TFDP1: variants seen among roughly 807,000 people sequenced by gnomAD.
TFDP1 encodes the protein DRTF1-polypeptide 1.
In TFDP1, 6 loss-of-function variants were observed where a neutral mutation model predicts 48.0. The observed-to-expected ratio is 0.13, with a 90% CI of 0.07 to 0.25. The LOEUF (loss-of-function observed/expected upper bound fraction) is 0.25. Ranked by LOEUF, TFDP1 falls within the 10% of genes least tolerant of loss-of-function variation. The pLI, the probability that TFDP1 is intolerant of heterozygous loss-of-function variation, is 1.00. For missense variants in TFDP1, 335 were observed against 543.0 expected (o/e 0.62, Z 3.81); for synonymous variants, 201 against 211.6 (o/e 0.95, Z 0.44).
In TFDP1 at chr13:113,611,026, A is replaced by G; in HGVS notation, c.43A>G (p.Lys15Glu). 1 of 1,614,174 alleles carries G rather than the reference A, an allele frequency of 6.2e-7. No individual in the cohort carries two copies. Among genetic ancestry groups the G allele is most frequent in the South Asian group, 1.1e-5 (1 of 91,088 alleles). ...TCTAATTGAAGCCAACGGAGAACTC[A>G]AGGTCTTCATAGACCAGAACCTTAG... The part of the protein sequence containing the change: ...AGLIEANGEL[K>E]VFIDQNLSPG... The change falls in exon 3 of 12, where the codon AAG becomes GAG. Residue 15 changes from lysine (K) to glutamate (E), a missense_variant. Around this residue, in one of 3 missense-constraint regions of TFDP1, gnomAD observed 103 missense variants for 140.4 expected, o/e 0.73. Coordinates refer to ENST00000375370, the MANE Select transcript of TFDP1 (RefSeq NM_007111.5).
chr13:113,621,715 G>A (rs949604529), intron 3 of TFDP1, among the ~76,000 whole-genome samples: 5 of 152,236 alleles, frequency 3.3e-5, no homozygotes, highest in South Asian at 2.1e-4. Flanking sequence ...GAAGATGTCC[G>A]TTGCCAGGTG....
intron 8 of TFDP1, among the ~76,000 whole-genome samples, chr13:113,635,225 C>T (rs1404646436): frequency 6.6e-6 from 1 of 152,160 alleles, no homozygotes; most frequent in African/African-American, 2.4e-5. Context: ...GTGCAAGGTG[C>T]TCACTGCAGA....
At chr13:113,628,440 C>T (rs746737578) in intron 4 of TFDP1, among the ~76,000 whole-genome samples, 30 of 152,382 alleles carry the variant, frequency 2.0e-4, no homozygotes, top group Non-Finnish European at 3.2e-4. Context: ...TGCTCCCCAG[C>T]GAGAGGCGGG....
At chr13:113,595,804 C>T (rs944277421) in intron 2 of TFDP1, among the ~76,000 whole-genome samples, 6 of 152,202 alleles carry the variant, frequency 3.9e-5, no homozygotes, top group Admixed American at 1.3e-4. Flanking sequence ...TAATGGCGGC[C>T]GGGTGCGGTG....
At chr13:113,640,043 TGAC>T in intron 11 of TFDP1, 74 bp from the exon 12 acceptor site, 1 of 1,111,546 alleles carries the variant, frequency 9.0e-7, no homozygotes, top group Non-Finnish European at 1.3e-6. Context: ...GCCTGTCATT[TGAC>T]CACAAGCCCT....
At chr13:113,612,128 C>T (rs1415479178) in intron 3 of TFDP1, among the ~76,000 whole-genome samples, 1 of 152,244 alleles carries the variant, frequency 6.6e-6, no homozygotes, top group Non-Finnish European at 1.5e-5. Context: ...CCCCACCTCT[C>T]TGCTGAGGCT....
At position 113,633,124 on chromosome 13, in the gene TFDP1, C is replaced by T. The variant is rs765070850; in HGVS notation, c.313C>T (p.Arg105Cys). The T allele has an allele frequency of 1.2e-6, 2 of 1,613,864 alleles. No individual in the cohort carries two copies. Among genetic ancestry groups the T allele is most frequent in the South Asian group, 1.1e-5 (1 of 91,060 alleles). ...CTTTTCCTTTGTATTTTGAAGGAAG[C>T]GCAACAGGAAAGGAGAGAAGAATGG... Reference protein sequence around the residue: ...SDSSPWSAGKRNRKGEKNGKG... With the variant: ...SDSSPWSAGKCNRKGEKNGKG... The change falls in exon 6 of 12, where the codon CGC (arginine) becomes TGC (cysteine). Residue 105 changes from arginine to cysteine, a missense_variant. Transcript: ENST00000375370. This position sits in a 1 kb window ranked among gnomAD's most constrained non-coding sequence, Gnocchi z 4.5.
intron 3 of TFDP1, among the ~76,000 whole-genome samples, chr13:113,621,867 G>A (rs1222467669): frequency 1.3e-5 from 2 of 152,196 alleles, no homozygotes; most frequent in African/African-American, 4.8e-5. Context: ...CAGTTATCTG[G>A]AGGCCTAACC....
Position 113,610,925 on chromosome 13 carries a change from G to A in TFDP1, c.13-71G>A, listed in dbSNP as rs1310714689. The A allele has an allele frequency of 4.3e-6, 6 of 1,388,724 alleles. No individual in the cohort carries two copies. The African/African-American group carries it at 7.1e-5, about 16-fold the overall frequency. The allele number at this position is 1,388,724 out of a possible 1,614,324, so 86.0% of individuals were successfully genotyped here. A position where few individuals can be genotyped will look rare whatever the true frequency, so the allele number is the denominator to read the frequency against. Reference sequence around the variant, plus strand: ...GTTATTTGATAGAACCCTTGAGGGTGGTTTTAAACACCCCTAGTTTCGTAG... The same window carrying A: ...GTTATTTGATAGAACCCTTGAGGGTAGTTTTAAACACCCCTAGTTTCGTAG... On this transcript the variant is annotated intron_variant, in intron 2 of 11. Coordinates refer to ENST00000375370, the MANE Select transcript of TFDP1 (RefSeq NM_007111.5).
chr13:113,639,825 T>C (rs2049595597), intron 11 of TFDP1, among the ~76,000 whole-genome samples: 1 of 152,256 alleles, frequency 6.6e-6, no homozygotes, highest in Non-Finnish European at 1.5e-5. Context: ...TCTGGGGCAC[T>C]GCTCCTGATG....
chr13:113,585,634 G>T, intron 1 of TFDP1, 140 bp from the exon 2 acceptor site: 1 of 523,408 alleles, frequency 1.9e-6, no homozygotes, highest in Non-Finnish European at 3.4e-6. Flanking sequence ...GAGTCGGTTT[G>T]GCCAGCTCCG....
In TFDP1 at chr13:113,631,723, A is replaced by C. The variant is rs2049341928; in HGVS notation, c.287A>C (p.Asp96Ala). ...TTTGCCTCTCAGAACCAGCCTTCCG[A>C]CTCCTCACCTTGGTCTGCCGGGTGA... is the stretch of plus-strand genomic sequence containing the variant. ...THFASQNQPS[D>A]SSPWSAGKRN... The change falls in exon 5 of 12, where the codon GAC becomes GCC. Residue 96 changes from aspartate (D) to alanine (A), a missense_variant. By Grantham distance (126) the Asp-to-Ala change is moderately radical. Coordinates refer to ENST00000375370, the MANE Select transcript of TFDP1 (RefSeq NM_007111.5). 6.2e-7 allele frequency: 1 copy of C among 1,611,850 alleles called. No homozygotes were observed. The highest frequency in any genetic ancestry group is 8.5e-7 in the Non-Finnish European group (1 of 1,179,444).
At chr13:113,632,634 C>T (rs1012443767) in intron 5 of TFDP1, among the ~76,000 whole-genome samples, 1 of 152,116 alleles carries the variant, frequency 6.6e-6, no homozygotes, top group African/African-American at 2.4e-5. Context: ...AAAAATTAGC[C>T]AGATGTGGTG....
intron 10 of TFDP1, chr13:113,637,563 C>T (rs2049524253): frequency 6.8e-7 from 1 of 1,471,228 alleles, no homozygotes; most frequent in Non-Finnish European, 9.1e-7. Flanking sequence ...CACACGTGTG[C>T]CGTTTGTAAG....
chr13:113,599,188 A>G (rs971565930), intron 2 of TFDP1, among the ~76,000 whole-genome samples: 3 of 152,076 alleles, frequency 2.0e-5, no homozygotes, highest in South Asian at 4.1e-4. Context: ...TTTCACATCA[A>G]TAAATATAAG....
At chr13:113,640,011 A>G (rs2049600857) in intron 11 of TFDP1, 109 bp from the exon 12 acceptor site, 5 of 797,722 alleles carry the variant, frequency 6.3e-6, no homozygotes, top group Non-Finnish European at 1.0e-5. Flanking sequence ...GTGACTGACA[A>G]AACCCACACC....
intron 2 of TFDP1, among the ~76,000 whole-genome samples, chr13:113,595,352 C>T (rs947802095): frequency 6.6e-6 from 1 of 152,192 alleles, no homozygotes; most frequent in African/African-American, 2.4e-5. Context: ...AAAGACATCT[C>T]AGGACACGGA....
intron 4 of TFDP1, among the ~76,000 whole-genome samples, chr13:113,629,312 G>A (rs1021250085): frequency 6.6e-6 from 1 of 152,338 alleles, no homozygotes; most frequent in South Asian, 2.1e-4. Flanking sequence ...CAGTGCACTG[G>A]TGGCTCGTTC....
chr13:113,630,609 G>A (rs528290560), intron 4 of TFDP1, among the ~76,000 whole-genome samples: 6 of 152,302 alleles, frequency 3.9e-5, no homozygotes, highest in Admixed American at 2.0e-4. Flanking sequence ...CAGTATAATC[G>A]CTGAGGCACT....
Sources: allele counts gnomAD v4.1 joint callset (sites outside exome capture counted in the v4.1 genomes callset), GRCh38; gene constraint gnomAD v4.1.1; regional missense constraint gnomAD v4.1.1; non-coding constraint Gnocchi (gnomAD v3.1); transcripts MANE v1.5; gene names NCBI Gene and HGNC (gene_info 2026-07-23, HGNC 2026-07-21).